RERE: variants seen among roughly 807,000 people sequenced by gnomAD.
RERE encodes the protein arginine-glutamic acid dipeptide repeats protein.
RERE carries 40 observed loss-of-function variants against 146.1 expected under a neutral mutation model. That is an observed-to-expected ratio of 0.27 (90% CI 0.21 to 0.36). The LOEUF (loss-of-function observed/expected upper bound fraction) is 0.36. RERE is among the 10% of genes least tolerant of loss of function. RERE has a pLI of 1.00. For synonymous variants in RERE, 1,003 were observed against 866.0 expected, an observed-to-expected ratio of 1.16 and a Z score of -2.78; for missense variants, 1,933 against 2,138.7, an observed-to-expected ratio of 0.90 and a Z score of 1.90.
chr1:8,791,548 G>T (rs1641364002), intron 1 of RERE, among the ~76,000 whole-genome samples: 2 of 152,212 alleles, frequency 1.3e-5, no homozygotes, highest in Admixed American at 6.5e-5. Flanking sequence ...ATGCCCAGGG[G>T]AAGGGAGACT....
chr1:8,354,982 T>C lies in RERE; in HGVS notation c.*105A>G, dbSNP rs1641230844. 2 of 894,564 alleles carry C rather than the reference T, an allele frequency of 2.2e-6. No homozygotes were observed. The highest frequency in any genetic ancestry group is 2.3e-5 in the Admixed American group (1 of 43,600). 55.4% of individuals were successfully genotyped at this position (894,564 alleles called of 1,614,324 possible). A position where few individuals can be genotyped will look rare whatever the true frequency, so the allele number is the denominator to read the frequency against. On this transcript the variant is annotated 3_prime_UTR_variant, in exon 23 of 23. Coordinates refer to ENST00000400908, the MANE Select transcript of RERE (RefSeq NM_001042681.2). Reference sequence around the variant, plus strand: ...GTTTTTAAATATATAAAGAAATCTTTAGAAGATATTCTTTTTGCTTTTGCA... The same window carrying C: ...GTTTTTAAATATATAAAGAAATCTTCAGAAGATATTCTTTTTGCTTTTGCA...
At chr1:8,758,091 AT>A (rs548769619) in intron 1 of RERE, among the ~76,000 whole-genome samples, 26 of 145,494 alleles carry the variant, frequency 1.8e-4, no homozygotes, top group South Asian at 2.2e-4. Context: ...GTCAAGTTCA[AT>A]TTTTTTTTTT....
At chr1:8,571,897 A>C (rs1646225807) in intron 4 of RERE, among the ~76,000 whole-genome samples, 1 of 103,922 alleles carries the variant, frequency 9.6e-6, no homozygotes, top group African/African-American at 3.1e-5. Flanking sequence ...TGCTTTAAAA[A>C]AGAAAGAAAG....
intron 8 of RERE, among the ~76,000 whole-genome samples, chr1:8,501,153 C>T (rs1269675974): frequency 2.1e-5 from 3 of 145,574 alleles, no homozygotes; most frequent in East Asian, 2.1e-4. Context: ...CTGCCCCGTC[C>T]GGGAGGGGGG....
At chr1:8,655,464 C>T (rs1570571131) in intron 2 of RERE, among the ~76,000 whole-genome samples, 1 of 152,160 alleles carries the variant, frequency 6.6e-6, no homozygotes, top group Non-Finnish European at 1.5e-5. Flanking sequence ...CCTCAGCCTC[C>T]CAAAGTGCTA....
intron 1 of RERE, among the ~76,000 whole-genome samples, chr1:8,756,222 T>A (rs1418808145): frequency 1.3e-5 from 2 of 152,222 alleles, no homozygotes; most frequent in African/African-American, 4.8e-5. Flanking sequence ...GTATAATTCT[T>A]ACAAGCAACT....
chr1:8,600,346 T>A (rs932471641), intron 4 of RERE, among the ~76,000 whole-genome samples: 3 of 152,250 alleles, frequency 2.0e-5, no homozygotes, highest in African/African-American at 4.8e-5. Context: ...CACATCTATC[T>A]ATCAATTACC....
intron 1 of RERE, chr1:8,786,757 TA>T: frequency 2.6e-6 from 2 of 781,332 alleles, no homozygotes; most frequent in Non-Finnish European, 4.6e-6. Context: ...CATCTGCCTA[TA>T]TTCCTTGTGA....
intron 11 of RERE, among the ~76,000 whole-genome samples, chr1:8,427,097 C>T (rs1353616932): frequency 6.6e-6 from 1 of 152,152 alleles, no homozygotes; most frequent in Admixed American, 6.5e-5. Flanking sequence ...CTCAAGCAAT[C>T]CTCCCGCTTT....
chr1:8,733,577 G>A (rs1020767634), intron 1 of RERE, among the ~76,000 whole-genome samples: 7 of 152,170 alleles, frequency 4.6e-5, no homozygotes, highest in African/African-American at 1.7e-4. Flanking sequence ...CCATGTGCAA[G>A]GAACTGAAGC....
intron 7 of RERE, among the ~76,000 whole-genome samples, chr1:8,512,094 C>T (rs1483199352): frequency 8.0e-6 from 1 of 125,740 alleles, no homozygotes; most frequent in Admixed American, 1.0e-4. Context: ...ACTGCAGTGG[C>T]GCAATCTCGG....
At chr1:8,657,270 A>G (rs1278305937) in intron 1 of RERE, among the ~76,000 whole-genome samples, 1 of 146,338 alleles carries the variant, frequency 6.8e-6, no homozygotes, top group African/African-American at 2.5e-5. Context: ...GTGCCACTGC[A>G]CTTCAGCCTG....
intron 1 of RERE, among the ~76,000 whole-genome samples, chr1:8,766,302 G>A (rs1640843627): frequency 2.0e-5 from 3 of 152,068 alleles, no homozygotes; most frequent in Admixed American, 2.0e-4. Flanking sequence ...GCACTTGGGA[G>A]GCCAAGGCTG....
At chr1:8,414,304 T>C (rs1643699548) in intron 12 of RERE, among the ~76,000 whole-genome samples, 1 of 152,010 alleles carries the variant, frequency 6.6e-6, no homozygotes, top group Non-Finnish European at 1.5e-5. Flanking sequence ...CCCAGCACTT[T>C]GGGAGGCAGA....
intron 3 of RERE, among the ~76,000 whole-genome samples, chr1:8,618,283 C>T (rs1172011895): frequency 6.6e-6 from 1 of 152,160 alleles, no homozygotes; most frequent in African/African-American, 2.4e-5. Flanking sequence ...AAGGTAGGTA[C>T]TTTATATCCC....
At chr1:8,718,702 T>TA (rs1322468708) in intron 1 of RERE, among the ~76,000 whole-genome samples, 2 of 152,194 alleles carry the variant, frequency 1.3e-5, no homozygotes, top group African/African-American at 4.8e-5. Context: ...AGCCTAGTGG[T>TA]AAAGGTCTCT....
intron 2 of RERE, among the ~76,000 whole-genome samples, chr1:8,645,744 C>G (rs1263245640): frequency 6.6e-6 from 1 of 152,148 alleles, no homozygotes; most frequent in Non-Finnish European, 1.5e-5. Context: ...ATTAATTTGT[C>G]TCAAATATCA....
At chr1:8,625,378 TC>T (rs1261199643) in intron 2 of RERE, among the ~76,000 whole-genome samples, 1 of 152,174 alleles carries the variant, frequency 6.6e-6, no homozygotes, top group Non-Finnish European at 1.5e-5. Flanking sequence ...CCTAAGATCA[TC>T]ATAAAGCTTA....
intron 1 of RERE, among the ~76,000 whole-genome samples, chr1:8,810,260 A>G (rs1184053083): frequency 1.3e-5 from 2 of 151,516 alleles, no homozygotes; most frequent in Non-Finnish European, 2.9e-5. Flanking sequence ...TTGGCCTCCC[A>G]AAGTGCTGGG....
Sources: gnomAD v4.1 joint callset for allele counts (sites outside exome capture counted in the v4.1 genomes callset) on GRCh38, gnomAD v4.1.1 for gene constraint, MANE v1.5 for transcripts, NCBI Gene and HGNC (gene_info 2026-07-23, HGNC 2026-07-21) for gene names.